Variants in NRXN1 observed in about 807,000 individuals in gnomAD.
NRXN1 encodes neurexin-1.
In NRXN1, 39 loss-of-function variants were observed where a neutral mutation model predicts 150.9. The observed-to-expected ratio is 0.26, with a 90% CI of 0.20 to 0.34. The LOEUF is 0.34. Among genes scored for constraint, NRXN1 ranks in the 10% least tolerant of loss-of-function variants. NRXN1 has a pLI of 1.00. For missense variants in NRXN1, 1,815 were observed against 1,949.9 expected (o/e 0.93, Z 1.30); for synonymous variants, 924 against 757.0 (o/e 1.22, Z -3.62).
At chr2:50,118,683 T>C (rs992012642) in intron 18 of NRXN1, among the ~76,000 whole-genome samples, 1 of 152,150 alleles carries the variant, frequency 6.6e-6, no homozygotes, top group Admixed American at 6.6e-5. Flanking sequence ...AAAACTATAG[T>C]AATGAACTAC....
intron 15 of NRXN1, among the ~76,000 whole-genome samples, chr2:50,484,550 G>A (rs369219401): frequency 1.3e-5 from 2 of 152,126 alleles, no homozygotes; most frequent in African/African-American, 4.8e-5. Flanking sequence ...TGCACCAGCC[G>A]ATGACTGATT....
intron 22 of NRXN1, among the ~76,000 whole-genome samples, chr2:49,931,500 T>C (rs1670111906): frequency 6.6e-6 from 1 of 152,054 alleles, no homozygotes; most frequent in Admixed American, 6.6e-5. Context: ...CTGCAAATAG[T>C]TGACAGCTAA....
chr2:50,942,736 T>C (rs922286369), intron 2 of NRXN1, among the ~76,000 whole-genome samples: 1 of 152,170 alleles, frequency 6.6e-6, no homozygotes, highest in African/African-American at 2.4e-5. Context: ...TAACATGTTT[T>C]TGATTTTACA....
chr2:50,740,127 C>T (rs878969271), intron 5 of NRXN1, among the ~76,000 whole-genome samples: 14 of 152,132 alleles, frequency 9.2e-5, no homozygotes, highest in Admixed American at 4.6e-4. Flanking sequence ...TCCATCTATT[C>T]TTCTTTCCAA....
At chr2:50,935,978 T>C (rs527625989) in intron 2 of NRXN1, among the ~76,000 whole-genome samples, 1 of 152,302 alleles carries the variant, frequency 6.6e-6, no homozygotes, top group East Asian at 1.9e-4. Flanking sequence ...TATAGAAAAC[T>C]GACCTTTTTA....
intron 5 of NRXN1, among the ~76,000 whole-genome samples, chr2:50,846,724 T>A (rs1458632639): frequency 6.6e-6 from 1 of 152,186 alleles, no homozygotes; most frequent in Admixed American, 6.5e-5. Flanking sequence ...GATAAAAATA[T>A]GAGTGATTTA....
intron 22 of NRXN1, among the ~76,000 whole-genome samples, chr2:49,931,593 G>T (rs1291051256): frequency 3.3e-5 from 5 of 151,792 alleles, no homozygotes; most frequent in African/African-American, 1.2e-4. Flanking sequence ...ATTGAAAAGG[G>T]TCTCTTTACT....
At chr2:50,866,531 G>T (rs1414637264) in intron 5 of NRXN1, among the ~76,000 whole-genome samples, 1 of 151,914 alleles carries the variant, frequency 6.6e-6, no homozygotes, top group Non-Finnish European at 1.5e-5. Context: ...CAGTATCCAT[G>T]GCTGTCATGA....
intron 5 of NRXN1, among the ~76,000 whole-genome samples, chr2:50,728,293 A>C (rs1327854394): frequency 6.6e-6 from 1 of 152,144 alleles, no homozygotes; most frequent in Non-Finnish European, 1.5e-5. Context: ...ATTTCCACTT[A>C]TCCTAATAAG....
intron 18 of NRXN1, among the ~76,000 whole-genome samples, chr2:50,136,731 C>G (rs1706466462): frequency 1.3e-5 from 2 of 152,196 alleles, no homozygotes; most frequent in Non-Finnish European, 2.9e-5. Context: ...CAAACTAATA[C>G]TGTTTTTACT....
intron 21 of NRXN1, chr2:49,966,719 T>A (rs1265452279): frequency 6.6e-6 from 1 of 152,040 alleles, no homozygotes; most frequent in Non-Finnish European, 1.5e-5. Context: ...TTAGATAAGC[T>A]CCAAAGAGTA....
intron 5 of NRXN1, among the ~76,000 whole-genome samples, chr2:50,785,869 T>A (rs550287715): frequency 6.6e-6 from 1 of 152,190 alleles, no homozygotes; most frequent in South Asian, 2.1e-4. Flanking sequence ...CAAACTGTTG[T>A]CCAACTACTA....
chr2:50,934,500 A>G (rs1558447546), intron 2 of NRXN1, among the ~76,000 whole-genome samples: 1 of 152,150 alleles, frequency 6.6e-6, no homozygotes, highest in Non-Finnish European at 1.5e-5. Context: ...TCTAAGTAAA[A>G]TTAAAATTTC....
intron 17 of NRXN1, among the ~76,000 whole-genome samples, chr2:50,436,416 G>A (rs957548395): frequency 6.6e-5 from 10 of 151,152 alleles, no homozygotes; most frequent in African/African-American, 2.4e-4. Flanking sequence ...TAGTGCTATT[G>A]CACTCCAGCC....
chr2:50,201,081 A>C (rs2062128184), intron 18 of NRXN1, among the ~76,000 whole-genome samples: 1 of 152,074 alleles, frequency 6.6e-6, no homozygotes, highest in Non-Finnish European at 1.5e-5. Flanking sequence ...TATTGTTTTC[A>C]AGATGTATTG....
intron 5 of NRXN1, among the ~76,000 whole-genome samples, chr2:50,820,384 A>C (rs1251480414): frequency 6.6e-6 from 1 of 152,018 alleles, no homozygotes; most frequent in Non-Finnish European, 1.5e-5. Flanking sequence ...AACTAATTTA[A>C]CTCACATGAC....
chr2:50,718,051 G>A (rs1339555770), intron 5 of NRXN1, among the ~76,000 whole-genome samples: 1 of 152,132 alleles, frequency 6.6e-6, no homozygotes, highest in Non-Finnish European at 1.5e-5. Flanking sequence ...CCAGACAGAA[G>A]CTAGGGTAAT....
chr2:50,179,000 A>G (rs905174818), intron 18 of NRXN1, among the ~76,000 whole-genome samples: 21 of 152,134 alleles, frequency 1.4e-4, no homozygotes, highest in Non-Finnish European at 3.1e-4. Context: ...TTATATTTAT[A>G]ATTGTAATAA....
At chr2:50,965,961 T>C (rs1432451597) in intron 2 of NRXN1, among the ~76,000 whole-genome samples, 2 of 151,564 alleles carry the variant, frequency 1.3e-5, no homozygotes, top group Non-Finnish European at 3.0e-5. Flanking sequence ...TTTCATGTTA[T>C]GTTGCCTTCT....
Sources: allele counts gnomAD v4.1 joint callset (sites outside exome capture counted in the v4.1 genomes callset), GRCh38; gene constraint gnomAD v4.1.1; transcripts MANE v1.5; gene names NCBI Gene and HGNC (gene_info 2026-07-23, HGNC 2026-07-21).